CADM2: variants seen among roughly 807,000 people sequenced by gnomAD.
CADM2 encodes cell adhesion molecule 2, also known as immunoglobulin superfamily member 4D.
Under a neutral mutation model 49.8 loss-of-function variants are expected in CADM2, and 12 were observed. The ratio of observed to expected loss-of-function variants is 0.24; its 90% CI spans 0.15 to 0.39. The LOEUF is 0.39. Ranked by LOEUF, CADM2 falls within the 10% of genes least tolerant of loss-of-function variation. The pLI, the probability that CADM2 is intolerant of heterozygous loss-of-function variation, is 1.00. For synonymous variants in CADM2, 214 were observed against 175.4 expected (o/e 1.22, Z -1.74); for missense variants, 378 against 492.3 (o/e 0.77, Z 2.20).
chr3:85,490,415 C>CA, intron 1 of CADM2, among the ~76,000 whole-genome samples: 1 of 151,680 alleles, frequency 6.6e-6, no homozygotes, highest in African/African-American at 2.4e-5. Context: ...GTTTTTAACT[C>CA]AATGTAAATT....
intron 1 of CADM2, among the ~76,000 whole-genome samples, chr3:85,268,190 T>C (rs1477070623): frequency 1.3e-5 from 2 of 151,432 alleles, no homozygotes; most frequent in African/African-American, 4.8e-5. Context: ...AAAGCAAAAA[T>C]GGCAGAGTAG....
At chr3:85,149,333 C>G (rs1453543883) in intron 1 of CADM2, among the ~76,000 whole-genome samples, 1 of 152,056 alleles carries the variant, frequency 6.6e-6, no homozygotes, top group Non-Finnish European at 1.5e-5. Context: ...TTCCCAGCCT[C>G]CAGAATTGTG....
rs2034102424 is a variant in CADM2, at chr3:85,013,664, C to A, written c.61+53996C>A. ...ATAAATATGGTTAATGGTAAAATTT[C>A]TATGTAGCTATGTATTGTTACCTGT... On this transcript the variant is annotated intron_variant, in intron 1 of 9. Coordinates refer to ENST00000383699, the MANE Select transcript of CADM2 (RefSeq NM_001167675.2). Among the ~76,000 whole-genome samples the A allele has an allele frequency of 2.0e-5, 3 of 150,994 alleles. No homozygotes were observed. In the South Asian group the frequency reaches 6.2e-4, roughly 31 times the overall value.
intron 1 of CADM2, among the ~76,000 whole-genome samples, chr3:85,543,253 T>TA (rs1368760642): frequency 7.0e-5 from 3 of 42,710 alleles, no homozygotes; most frequent in African/African-American, 1.1e-4. Context: ...TTTATTTATT[T>TA]TTTATTTTTA....
chr3:85,645,813 C>T (rs1025365433), intron 1 of CADM2, among the ~76,000 whole-genome samples: 11 of 148,456 alleles, frequency 7.4e-5, no homozygotes, highest in Non-Finnish European at 1.5e-4. Context: ...TAAAAGACAA[C>T]AAAAGAAAAA....
intron 1 of CADM2, among the ~76,000 whole-genome samples, chr3:85,412,728 G>A (rs1279196362): frequency 1.3e-5 from 2 of 151,894 alleles, no homozygotes; most frequent in African/African-American, 4.8e-5. Context: ...TTAAAAATGG[G>A]ATTAATAGAA....
intron 1 of CADM2, among the ~76,000 whole-genome samples, chr3:85,371,109 C>T (rs1183868411): frequency 6.6e-6 from 1 of 151,806 alleles, no homozygotes; most frequent in Admixed American, 6.6e-5. Flanking sequence ...AAAGTAAAAA[C>T]GTTACAATCA....
At chr3:85,569,020 G>A (rs1213084167) in intron 1 of CADM2, among the ~76,000 whole-genome samples, 2 of 152,028 alleles carry the variant, frequency 1.3e-5, no homozygotes, top group African/African-American at 4.8e-5. Flanking sequence ...GTAACATCTT[G>A]CAAAACTGTG....
intron 8 of CADM2, among the ~76,000 whole-genome samples, chr3:86,018,452 C>T (rs1365950519): frequency 2.0e-5 from 3 of 151,870 alleles, no homozygotes; most frequent in Non-Finnish European, 4.4e-5. Context: ...GGAATCGCCA[C>T]ACTGACTTCC....
intron 1 of CADM2, among the ~76,000 whole-genome samples, chr3:85,003,472 A>AT (rs554942388): frequency 1.1e-4 from 16 of 152,312 alleles, no homozygotes; most frequent in Non-Finnish European, 2.1e-4. Flanking sequence ...AAAATTTACC[A>AT]TATTTGGTGA....
At chr3:85,511,410 C>T (rs2040611048) in intron 1 of CADM2, among the ~76,000 whole-genome samples, 1 of 151,988 alleles carries the variant, frequency 6.6e-6, no homozygotes, top group Admixed American at 6.6e-5. Context: ...TGTTACTGAA[C>T]CTGATTCTAA....
At chr3:85,938,186 A>C (rs2108544699) in intron 7 of CADM2, among the ~76,000 whole-genome samples, 1 of 152,176 alleles carries the variant, frequency 6.6e-6, no homozygotes, top group East Asian at 1.9e-4. Flanking sequence ...TCTCTTTAAA[A>C]ACAGTCTAAT....
chr3:85,756,975 A>G (rs1291331303), intron 2 of CADM2, among the ~76,000 whole-genome samples: 1 of 152,160 alleles, frequency 6.6e-6, no homozygotes, highest in Non-Finnish European at 1.5e-5. Context: ...ACTTTTCACA[A>G]CAGTGAAGTG....
At chr3:85,259,346 T>C (rs923602380) in intron 1 of CADM2, among the ~76,000 whole-genome samples, 1 of 152,040 alleles carries the variant, frequency 6.6e-6, no homozygotes, top group Non-Finnish European at 1.5e-5. Context: ...ATTTAGAAGA[T>C]TTTTATTGCT....
At chr3:85,717,984 G>A (rs1442933217) in intron 1 of CADM2, among the ~76,000 whole-genome samples, 1 of 152,098 alleles carries the variant, frequency 6.6e-6, no homozygotes, top group Admixed American at 6.6e-5. Context: ...TGGCCAGGCT[G>A]GTCTTGAACT....
intron 1 of CADM2, among the ~76,000 whole-genome samples, chr3:85,171,369 T>A (rs2040621090): frequency 2.0e-5 from 3 of 152,372 alleles, no homozygotes; most frequent in Non-Finnish European, 4.4e-5. Context: ...ACATGTGTTA[T>A]ATCTTTAAAA....
At chr3:85,078,884 A>C (rs1235853210) in intron 1 of CADM2, among the ~76,000 whole-genome samples, 1 of 151,788 alleles carries the variant, frequency 6.6e-6, no homozygotes, top group Non-Finnish European at 1.5e-5. Flanking sequence ...GGTAGTCTGC[A>C]CTTCCAGGGT....
chr3:85,365,224 C>T (rs868363302), intron 1 of CADM2, among the ~76,000 whole-genome samples: 22 of 104,812 alleles, frequency 2.1e-4, no homozygotes, highest in African/African-American at 6.1e-4. Flanking sequence ...TAGATAATTC[C>T]CTGTTTAAAA....
At chr3:85,678,228 T>C (rs1379547098) in intron 1 of CADM2, among the ~76,000 whole-genome samples, 1 of 152,114 alleles carries the variant, frequency 6.6e-6, no homozygotes, top group East Asian at 1.9e-4. Flanking sequence ...AAACGGATGT[T>C]CCAGGGAAGG....
Sources: gnomAD v4.1 joint callset for allele counts (sites outside exome capture counted in the v4.1 genomes callset) on GRCh38, gnomAD v4.1.1 for gene constraint, MANE v1.5 for transcripts, NCBI Gene and HGNC (gene_info 2026-07-23, HGNC 2026-07-21) for gene names.